Variants in PRORP observed in about 807,000 individuals in gnomAD.
The protein encoded by PRORP is mitochondrial ribonuclease P catalytic subunit.
In PRORP, 51 loss-of-function variants were observed where a neutral mutation model predicts 59.4. The ratio of observed to expected loss-of-function variants is 0.86; its 90% CI spans 0.69 to 1.08. The LOEUF (loss-of-function observed/expected upper bound fraction) is 1.08. PRORP is among the 50% of genes least tolerant of loss of function. PRORP has a pLI of 0.00. For missense variants in PRORP, 646 were observed against 690.3 expected (o/e 0.94, Z 0.72); for synonymous variants, 231 against 245.6 (o/e 0.94, Z 0.55).
chr14:35,183,621 T>TA (rs1363680459), intron 5 of PRORP, among the ~76,000 whole-genome samples: 1 of 152,122 alleles, frequency 6.6e-6, no homozygotes, highest in Non-Finnish European at 1.5e-5. Flanking sequence ...AGTCAAAGGG[T>TA]ATATATATTT....
chr14:35,239,600 A>G (rs2050309238), intron 5 of PRORP, among the ~76,000 whole-genome samples: 1 of 152,208 alleles, frequency 6.6e-6, no homozygotes, highest in Non-Finnish European at 1.5e-5. Context: ...TTTAGAAACA[A>G]GATTCTCGTG....
intron 5 of PRORP, among the ~76,000 whole-genome samples, chr14:35,200,965 G>A (rs771390494): frequency 1.3e-5 from 2 of 152,060 alleles, no homozygotes; most frequent in Non-Finnish European, 2.9e-5. Context: ...TAGGCTTCTT[G>A]TTCCTATGAC....
At chr14:35,250,867 G>A (rs998236467) in intron 5 of PRORP, among the ~76,000 whole-genome samples, 32 of 149,688 alleles carry the variant, frequency 2.1e-4, no homozygotes, top group African/African-American at 6.1e-4. Context: ...TTTTTTTTTC[G>A]TTTTTTAAAA....
chr14:35,270,739 G>C, intron 7 of PRORP, 143 bp downstream of exon 7: 1 of 773,790 alleles, frequency 1.3e-6, no homozygotes, highest in Non-Finnish European at 2.0e-6. Flanking sequence ...GAACTAGCCA[G>C]GTCCTAGAAA....
intron 4 of PRORP, among the ~76,000 whole-genome samples, chr14:35,154,924 T>C (rs553592377): frequency 3.3e-5 from 5 of 152,198 alleles, no homozygotes; most frequent in African/African-American, 9.6e-5. Flanking sequence ...AGGCAGGGTC[T>C]CAATCTGTTA....
intron 5 of PRORP, among the ~76,000 whole-genome samples, chr14:35,190,761 C>T (rs2048862567): frequency 6.6e-6 from 1 of 152,104 alleles, no homozygotes; most frequent in South Asian, 2.1e-4. Context: ...ACTTGGCCTC[C>T]CTAAGTGCTG....
In PRORP at chr14:35,240,597, T is replaced by C. The variant is rs534654486; in HGVS notation, c.1276-26130T>C. Among the ~76,000 whole-genome samples, 4 of 152,340 alleles carry C rather than the reference T, an allele frequency of 2.6e-5. 1 individual carries two copies. The highest frequency in any genetic ancestry group is 9.6e-5 in the African/African-American group (4 of 41,574). On this transcript the variant is annotated intron_variant, in intron 5 of 7. Transcript: ENST00000534898. ...TAGGATCACACTGGATCTCCTCATT[T>C]TTTTATTCTACAACATATCAGAAGT... is the stretch of plus-strand genomic sequence containing the variant.
rs201340715 is a variant in PRORP, at chr14:35,124,117, A to G, written c.872A>G (p.Asp291Gly). 1.9e-6 allele frequency: 3 copies of G among 1,613,372 alleles called. No homozygotes were observed. Among genetic ancestry groups the G allele is most frequent in the East Asian group, 4.5e-5 (2 of 44,864 alleles). ...AAAGCTTTCTTTGATTTTGGAAAAGACATAAAGGATGATAACTATTCAAAT... is the reference window on the plus strand; with the variant it reads ...AAAGCTTTCTTTGATTTTGGAAAAGGCATAAAGGATGATAACTATTCAAAT... ...TLKAFFDFGK[D>G]IKDDNYSNKL... Residue 291 changes from aspartate to glycine, a missense_variant, in exon 2 of 8, where the codon GAC becomes GGC. Transcript: ENST00000534898.
In PRORP at chr14:35,261,808, G is replaced by A. The variant is rs1005310741; in HGVS notation, c.1276-4919G>A. Among the ~76,000 whole-genome samples, 28 of 152,274 alleles carry A rather than the reference G, an allele frequency of 1.8e-4. No homozygotes were observed. The East Asian group carries it at 5.2e-3, about 28-fold the overall frequency. On this transcript the variant is annotated intron_variant, in intron 5 of 7. Coordinates refer to ENST00000534898, the MANE Select transcript of PRORP (RefSeq NM_014672.4). ...CTGGATCCAGCCTTCGAATTTACCC[G>A]AGAGGAAGTGGGTTCATGGCTGGAC...
At chr14:35,242,318 GAC>G (rs770585090) in intron 5 of PRORP, among the ~76,000 whole-genome samples, 12 of 152,156 alleles carry the variant, frequency 7.9e-5, no homozygotes, top group Non-Finnish European at 1.8e-4. Flanking sequence ...TTAACCTTTA[GAC>G]ACATTCACAG....
chr14:35,169,623 A>G (rs889108004), intron 4 of PRORP, among the ~76,000 whole-genome samples: 4 of 152,134 alleles, frequency 2.6e-5, no homozygotes, highest in African/African-American at 9.7e-5. Flanking sequence ...GTGAGAATTC[A>G]CTCACTATCA....
chr14:35,158,341 A>G (rs1180138611), intron 4 of PRORP: 1 of 294,120 alleles, frequency 3.4e-6, no homozygotes, highest in African/African-American at 2.2e-5. Flanking sequence ...AATTGTAAAA[A>G]CAATGTTCAC....
chr14:35,203,621 T>G (rs1026783011), intron 5 of PRORP, among the ~76,000 whole-genome samples: 2 of 152,128 alleles, frequency 1.3e-5, no homozygotes, highest in African/African-American at 2.4e-5. Context: ...TCCCAGCACT[T>G]TGGGAGGCCG....
intron 4 of PRORP, among the ~76,000 whole-genome samples, chr14:35,154,989 G>A (rs1474881072): frequency 6.6e-6 from 1 of 152,024 alleles, no homozygotes; most frequent in East Asian, 1.9e-4. Context: ...CAACCTCCCG[G>A]GCTCAGGTGA....
chr14:35,209,554 T>C (rs76654590), intron 5 of PRORP, among the ~76,000 whole-genome samples: 9,285 of 152,284 alleles, frequency 0.061, 367 homozygotes, highest in Middle Eastern at 0.11. Flanking sequence ...TTTCTTTTTG[T>C]TTTGTTTTGT....
intron 5 of PRORP, among the ~76,000 whole-genome samples, chr14:35,188,096 T>C (rs1482997416): frequency 6.6e-6 from 1 of 151,686 alleles, no homozygotes; most frequent in Admixed American, 6.6e-5. Flanking sequence ...CCTCCCAAAG[T>C]GTGGGGCTTA....
chr14:35,193,526 T>A (rs1231890246), intron 5 of PRORP, among the ~76,000 whole-genome samples: 2 of 152,196 alleles, frequency 1.3e-5, no homozygotes, highest in Non-Finnish European at 2.9e-5. Flanking sequence ...GTTATTTTAT[T>A]TCTTTCTGTT....
chr14:35,134,186 A>G (rs1288283865), intron 4 of PRORP, among the ~76,000 whole-genome samples: 2 of 152,166 alleles, frequency 1.3e-5, no homozygotes, highest in East Asian at 3.9e-4. Context: ...CTGGCATTCA[A>G]ATGATAAGAC....
intron 5 of PRORP, among the ~76,000 whole-genome samples, 188 bp from the exon 6 acceptor site, chr14:35,266,539 T>A (rs2051047434): frequency 6.6e-6 from 1 of 152,106 alleles, no homozygotes; most frequent in Admixed American, 6.6e-5. Flanking sequence ...AGGCAGATGT[T>A]AGACATTAAT....
Sources: gnomAD v4.1 joint callset for allele counts (sites outside exome capture counted in the v4.1 genomes callset) on GRCh38, gnomAD v4.1.1 for gene constraint, MANE v1.5 for transcripts, NCBI Gene and HGNC (gene_info 2026-07-23, HGNC 2026-07-21) for gene names.